Variants in SLC12A7 observed in about 807,000 individuals in gnomAD.
SLC12A7 encodes the protein solute carrier family 12 member 7.
A neutral mutation model predicts 120.6 loss-of-function variants in SLC12A7; 100 were observed. The observed-to-expected ratio is 0.83, with a 90% confidence interval of 0.71 to 0.98. The LOEUF (loss-of-function observed/expected upper bound fraction) is 0.98, where lower values mean the gene tolerates loss of function less well. Ranked by LOEUF, SLC12A7 falls within the 50% of genes least tolerant of loss-of-function variation. The pLI, the probability that SLC12A7 is intolerant of heterozygous loss-of-function variation, is 0.00. For missense variants in SLC12A7, 1,373 were observed against 1,548.1 expected, an observed-to-expected ratio of 0.89 and a Z score of 1.90; for synonymous variants, 760 against 678.0, an observed-to-expected ratio of 1.12 and a Z score of -1.88.
At chr5:1,115,544 C>T (rs1743281796), upstream of SLC12A7, among the ~76,000 whole-genome samples, 1 of 152,340 alleles carries the variant, frequency 6.6e-6, no homozygotes, top group South Asian at 2.1e-4. Context: ...CCATCTGCAT[C>T]CTTCTGGGCT....
chr5:1,153,192 C>T, the SLC12A7 span, among the ~76,000 whole-genome samples: 3 of 152,162 alleles, frequency 2.0e-5, no homozygotes, highest in South Asian at 2.1e-4. Flanking sequence ...CGGGTGCTGA[C>T]GTGGGAGGAG....
At chr5:1,078,502 G>GAAC in intron 11 of SLC12A7, 199 bp downstream of exon 11, 2 of 630,370 alleles carry the variant, frequency 3.2e-6, no homozygotes, top group Non-Finnish European at 5.8e-6. Flanking sequence ...AGTTGGCTCT[G>GAAC]AACGGTTCCC....
intron 1 of SLC12A7, among the ~76,000 whole-genome samples, chr5:1,110,473 C>T (rs559920190): frequency 5.9e-5 from 9 of 152,234 alleles, no homozygotes; most frequent in Non-Finnish European, 1.3e-4. Flanking sequence ...GACAAGAAAA[C>T]GAACAAGCAC....
In SLC12A7 at chr5:1,065,374, G is replaced by C; in HGVS notation, c.2346C>G (p.Gly782=). ...CCGTGTTGTGCTTCAGGCCGCCCAGGCCGGCCGACTGGATCAGGTGGGACA... is the reference window on the plus strand; with the variant it reads ...CCGTGTTGTGCTTCAGGCCGCCCAGCCCGGCCGACTGGATCAGGTGGGACA... ...DGMSHLIQSA[G]LGGLKHNTVL... Residue 782 remains glycine (G), a synonymous_variant, in exon 18 of 24, where the codon GGC becomes GGG. Transcript: ENST00000264930. The C allele has an allele frequency of 1.2e-6, 2 of 1,612,550 alleles. No homozygotes were observed. Among genetic ancestry groups the C allele is most frequent in the South Asian group, 2.2e-5 (2 of 91,048 alleles).
At chr5:1,140,163 C>A in the SLC12A7 span, among the ~76,000 whole-genome samples, 1 of 152,232 alleles carries the variant, frequency 6.6e-6, no homozygotes, top group East Asian at 1.9e-4. Flanking sequence ...TGTTTCCCAT[C>A]GCTGGCTGGC....
rs1207534052 is a variant in SLC12A7 at position 1,077,887 on chromosome 5, C to A, written c.1575G>T (p.Gly525=). Residue 525 remains glycine (G), a synonymous_variant, in exon 12 of 24, where the codon GGG becomes GGT. Coordinates refer to ENST00000264930, the MANE Select transcript of SLC12A7 (RefSeq NM_006598.3). ...CAATGGCCTGCAGTAGGCGCGGTGC[C>A]CCCGTGAGGCTCTGCAGGCCGGCAC... The part of the protein sequence containing the change: ...TCGAGLQSLT[G]APRLLQAIAR... The A allele has an allele frequency of 6.3e-7, 1 of 1,598,592 alleles. No individual in the cohort carries two copies. The highest frequency in any genetic ancestry group is 8.5e-7 in the Non-Finnish European group (1 of 1,173,438).
chr5:1,081,853 T>G, intron 8 of SLC12A7, 109 bp from the exon 9 acceptor site: 1 of 1,318,574 alleles, frequency 7.6e-7, no homozygotes, highest in Non-Finnish European at 1.0e-6. Context: ...AGGGGAAGGG[T>G]CACAGCTTGT....
chr5:1,077,769 G>T, intron 12 of SLC12A7, 64 bp downstream of exon 12: 1 of 1,456,596 alleles, frequency 6.9e-7, no homozygotes, highest in Non-Finnish European at 9.1e-7. Context: ...TGAGGATCCC[G>T]CAGGGGAGGA....
rs1024335562 is a variant in SLC12A7 at position 1,051,784 on chromosome 5, TC to T, written c.*575del. The stretch of plus-strand genomic sequence containing the variant: ...ATGTGGACCTGCCGAGCCCAGAGGC[TC>T]CCACACGAGGGTGACACGGGCATGG... On this transcript the variant is annotated 3_prime_UTR_variant, in exon 24 of 24. Coordinates refer to ENST00000264930, the MANE Select transcript of SLC12A7 (RefSeq NM_006598.3). 6.6e-6 allele frequency: 1 copy of T among 151,378 alleles called. No homozygotes were observed. The highest frequency in any genetic ancestry group is 2.4e-5 in the African/African-American group (1 of 40,982). The allele number at this position is 151,378 out of a possible 1,614,324, so 9.4% of individuals were successfully genotyped here.
intron 23 of SLC12A7, among the ~76,000 whole-genome samples, chr5:1,053,053 G>A (rs1464586951): frequency 6.6e-6 from 1 of 152,230 alleles, no homozygotes; most frequent in Non-Finnish European, 1.5e-5. Flanking sequence ...CTGCTGTGGG[G>A]ATGCATGACA....
At chr5:1,083,119 C>G (rs1739395997) in intron 8 of SLC12A7, among the ~76,000 whole-genome samples, 1 of 145,860 alleles carries the variant, frequency 6.9e-6, no homozygotes. Context: ...AAAGTCCGGG[C>G]TTCCCCATCT....
the SLC12A7 span, among the ~76,000 whole-genome samples, chr5:1,151,183 C>G: frequency 2.0e-5 from 3 of 152,248 alleles, no homozygotes; most frequent in Non-Finnish European, 4.4e-5. The surrounding 1 kb of genome is among the most constrained non-coding windows in gnomAD (Gnocchi z 6.2). Context: ...AAGGCGCCTT[C>G]TACCATGAGC....
the SLC12A7 span, among the ~76,000 whole-genome samples, chr5:1,133,966 T>C: frequency 1.7e-4 from 26 of 152,160 alleles, no homozygotes; most frequent in Admixed American, 5.9e-4. Context: ...ACGTACACCA[T>C]GGAGAGAGGG....
the SLC12A7 span, among the ~76,000 whole-genome samples, chr5:1,136,545 C>G: frequency 1.3e-3 from 173 of 131,522 alleles, 10 homozygotes; most frequent in African/African-American, 5.1e-3. Context: ...CACACGTGTG[C>G]TCAGACACCA....
chr5:1,121,981 C>A, the SLC12A7 span, among the ~76,000 whole-genome samples: 1 of 152,304 alleles, frequency 6.6e-6, no homozygotes, highest in East Asian at 1.9e-4. Flanking sequence ...GCTGCAGGCA[C>A]GAAGCGGGGA....
At chr5:1,119,719 G>T in the SLC12A7 span, among the ~76,000 whole-genome samples, 111 of 152,380 alleles carry the variant, frequency 7.3e-4, no homozygotes, top group South Asian at 8.9e-3. Flanking sequence ...CAGGCACGCG[G>T]TGGCTCTGGA....
At chr5:1,108,931 G>A (rs1431889793) in intron 1 of SLC12A7, among the ~76,000 whole-genome samples, 3 of 152,146 alleles carry the variant, frequency 2.0e-5, no homozygotes, top group Admixed American at 6.5e-5. Flanking sequence ...CTGGACAACC[G>A]ACACGAGCTC....
Position 1,087,048 on chromosome 5 carries a change from G to A in SLC12A7, c.545-15C>T. On this transcript the variant is annotated splice_polypyrimidine_tract_variant and intron_variant, in intron 5 of 23. Coordinates refer to ENST00000264930, the MANE Select transcript of SLC12A7 (RefSeq NM_006598.3). ...GGACCCGCCAGCTGCGGAGACAAAG[G>A]CGGCAGCCGCGGGTCAGGGGCGCAC... 1 of 1,606,626 alleles carries A rather than the reference G, an allele frequency of 6.2e-7. No homozygotes were observed. The highest frequency in any genetic ancestry group is 1.1e-5 in the South Asian group (1 of 90,408).
the SLC12A7 span, among the ~76,000 whole-genome samples, chr5:1,148,202 TTTC>T: frequency 4.7e-5 from 6 of 129,018 alleles, no homozygotes; most frequent in African/African-American, 1.0e-4. Flanking sequence ...TTTTTCTTTC[TTTC>T]TTTTTTTTTT....
Sources: gnomAD v4.1 joint callset for allele counts (sites outside exome capture counted in the v4.1 genomes callset) on GRCh38, gnomAD v4.1.1 for gene constraint, Gnocchi (gnomAD v3.1) non-coding constraint, MANE v1.5 for transcripts, NCBI Gene and HGNC (gene_info 2026-07-23, HGNC 2026-07-21) for gene names.